RBM19: variants seen among roughly 807,000 people sequenced by gnomAD.
The protein encoded by RBM19 is RNA binding motif protein 19.
In RBM19, 94 loss-of-function variants were observed where a neutral mutation model predicts 116.8. The ratio of observed to expected loss-of-function variants is 0.80; its 90% CI spans 0.68 to 0.95. The LOEUF (loss-of-function observed/expected upper bound fraction) is 0.95, where lower values mean the gene tolerates loss of function less well. RBM19 is among the 40% of genes least tolerant of loss of function. The pLI is 0.00. For missense variants in RBM19, 1,161 were observed against 1,220.7 expected (o/e 0.95, Z 0.73); for synonymous variants, 475 against 494.1 (o/e 0.96, Z 0.51).
intron 21 of RBM19, among the ~76,000 whole-genome samples, chr12:113,891,284 ACTCT>A (rs1880946978): frequency 6.6e-6 from 1 of 152,136 alleles, no homozygotes; most frequent in African/African-American, 2.4e-5. Flanking sequence ...CATCCAGCCA[ACTCT>A]CTCTTGCTCA....
At chr12:113,893,776 A>G (rs924903833) in intron 21 of RBM19, among the ~76,000 whole-genome samples, 4 of 152,246 alleles carry the variant, frequency 2.6e-5, no homozygotes, top group Admixed American at 2.0e-4. Context: ...TGAGAAAAAT[A>G]CAGGTTTTTG....
At chr12:113,891,382 G>A (rs1880954034) in intron 21 of RBM19, among the ~76,000 whole-genome samples, 1 of 152,208 alleles carries the variant, frequency 6.6e-6, no homozygotes, top group Non-Finnish European at 1.5e-5. Context: ...GGAGTACAAA[G>A]AGTGTGGTCA....
chr12:113,852,092 C>T (rs1055653658), intron 22 of RBM19, among the ~76,000 whole-genome samples: 1 of 152,038 alleles, frequency 6.6e-6, no homozygotes, highest in Non-Finnish European at 1.5e-5. Context: ...GGGAGGAAGG[C>T]TGTCAAACTT....
intron 20 of RBM19, among the ~76,000 whole-genome samples, chr12:113,916,446 G>A (rs952616902): frequency 5.3e-5 from 8 of 152,238 alleles, no homozygotes; most frequent in African/African-American, 1.9e-4. Context: ...TCACTTCCTC[G>A]GTTGCTGGGG....
At chr12:113,920,197 A>G (rs953355260) in intron 19 of RBM19, among the ~76,000 whole-genome samples, 1 of 152,042 alleles carries the variant, frequency 6.6e-6, no homozygotes, top group Non-Finnish European at 1.5e-5. Flanking sequence ...TCACCTCCTT[A>G]GAGAGGCCTT....
chr12:113,936,904 G>A (rs1566027727), intron 16 of RBM19, 103 bp downstream of exon 16: 4 of 1,454,234 alleles, frequency 2.8e-6, no homozygotes, highest in East Asian at 2.3e-5. Flanking sequence ...TGAACAAAGA[G>A]CTTTAAACCA....
intron 21 of RBM19, among the ~76,000 whole-genome samples, chr12:113,868,784 C>T (rs903213644): frequency 6.0e-4 from 91 of 152,310 alleles, no homozygotes; most frequent in African/African-American, 2.0e-3. Flanking sequence ...ATTCAGGTAA[C>T]ACTTCTAACT....
At chr12:113,910,014 C>A (rs779250741) in intron 21 of RBM19, among the ~76,000 whole-genome samples, 1 of 152,118 alleles carries the variant, frequency 6.6e-6, no homozygotes, top group Admixed American at 6.5e-5. Flanking sequence ...TGCATTGAAT[C>A]CACAGATTTA....
chr12:113,881,748 C>T (rs1413353569), intron 21 of RBM19, among the ~76,000 whole-genome samples: 1 of 152,242 alleles, frequency 6.6e-6, no homozygotes, highest in Non-Finnish European at 1.5e-5. Flanking sequence ...TCCTGGCTCC[C>T]TGACTTAAGA....
intron 23 of RBM19, among the ~76,000 whole-genome samples, chr12:113,827,305 C>T (rs1167639707): frequency 6.6e-6 from 1 of 152,184 alleles, no homozygotes; most frequent in East Asian, 1.9e-4. Flanking sequence ...AAAGCTCAGC[C>T]ATCCCCCGAC....
intron 21 of RBM19, among the ~76,000 whole-genome samples, chr12:113,902,598 C>CAA (rs60289889): frequency 0.27 from 30,857 of 114,482 alleles, 4,539 homozygotes; most frequent in East Asian, 0.45. Context: ...GACCCAGTCT[C>CAA]AAAAAAAAAA....
At chr12:113,847,282 G>A (rs1346108304) in intron 22 of RBM19, among the ~76,000 whole-genome samples, 1 of 152,084 alleles carries the variant, frequency 6.6e-6, no homozygotes, top group Non-Finnish European at 1.5e-5. Context: ...TTAAAGAAAC[G>A]CTTTGTTCTC....
chr12:113,927,555 G>A (rs115954369), intron 16 of RBM19: 7 of 233,292 alleles, frequency 3.0e-5, no homozygotes, highest in African/African-American at 9.1e-5. Context: ...TTACTGAACC[G>A]TGAGCCTAAG....
intron 19 of RBM19, among the ~76,000 whole-genome samples, chr12:113,919,289 A>G (rs749823941): frequency 6.6e-6 from 1 of 152,248 alleles, no homozygotes; most frequent in Non-Finnish European, 1.5e-5. Flanking sequence ...ATTAGAACTT[A>G]GGCTGAGCAT....
In RBM19 at chr12:113,939,955, C is replaced by T. The variant is rs1208022089; in HGVS notation, c.1938+5G>A. On this transcript the variant is annotated splice_donor_5th_base_variant and intron_variant, in intron 15 of 23. Transcript: ENST00000261741. Reference sequence around the variant, plus strand: ...AGATCAATTCTGGGTCTCCAGCAGCCCTACCTTGGAATAGGCCAGATGCCT... The same window carrying T: ...AGATCAATTCTGGGTCTCCAGCAGCTCTACCTTGGAATAGGCCAGATGCCT... The T allele has an allele frequency of 1.2e-6, 2 of 1,613,506 alleles. No homozygotes were observed. The highest frequency in any genetic ancestry group is 1.7e-6 in the Non-Finnish European group (2 of 1,179,756).
Position 113,897,073 on chromosome 12 carries a change from A to G in RBM19, c.2558+17896T>C, listed in dbSNP as rs116518112. Reference sequence around the variant, plus strand: ...GTTTGGGAACCATGGCTTTGGGCCAATGGCTTTACTTGTTACTTTACTGAG... The same window carrying G: ...GTTTGGGAACCATGGCTTTGGGCCAGTGGCTTTACTTGTTACTTTACTGAG... On this transcript the variant is annotated intron_variant, in intron 21 of 23. Coordinates refer to ENST00000261741, the MANE Select transcript of RBM19 (RefSeq NM_016196.4). 3.0e-3 allele frequency among the ~76,000 whole-genome samples: 451 copies of G among 152,354 alleles called. 5 individuals carry two copies. The highest frequency in any genetic ancestry group is 0.01 in the African/African-American group (432 of 41,588).
At chr12:113,846,954 C>A (rs1198993292) in intron 22 of RBM19, among the ~76,000 whole-genome samples, 1 of 152,180 alleles carries the variant, frequency 6.6e-6, no homozygotes, top group African/African-American at 2.4e-5. Context: ...CTCTAGTGAT[C>A]CTCCTGCCTC....
In RBM19 at chr12:113,962,281, T is replaced by C. The variant is rs1872568441; in HGVS notation, c.170A>G (p.Lys57Arg). 2 of 1,614,270 alleles carry C rather than the reference T, an allele frequency of 1.2e-6. No individual in the cohort carries two copies. Among genetic ancestry groups the C allele is most frequent in the Non-Finnish European group, 1.7e-6 (2 of 1,180,046 alleles). ...GCTCTTGTTGAAATGCTTCTGTGCC[T>C]TCTGGGCCTCTTCCTCGGACTTGAA... ...IGFKSEEEAQ[K>R]AQKHFNKSFI... Residue 57 changes from lysine (K) to arginine (R), a missense_variant, in exon 2 of 24, where the codon AAG (lysine) becomes AGG (arginine). Coordinates refer to ENST00000261741, the MANE Select transcript of RBM19 (RefSeq NM_016196.4).
At chr12:113,915,510 G>A (rs940611016) in intron 20 of RBM19, among the ~76,000 whole-genome samples, 1 of 152,180 alleles carries the variant, frequency 6.6e-6, no homozygotes, top group African/African-American at 2.4e-5. Context: ...CATGCAGATG[G>A]ACCAGGTGGC....
Sources: gnomAD v4.1 joint callset for allele counts (sites outside exome capture counted in the v4.1 genomes callset) on GRCh38, gnomAD v4.1.1 for gene constraint, MANE v1.5 for transcripts, NCBI Gene and HGNC (gene_info 2026-07-23, HGNC 2026-07-21) for gene names.